The following SCMH1 variants were observed in gnomAD, a reference collection of about 807,000 sequenced individuals.
The protein encoded by SCMH1 is Scm polycomb group protein homolog 1.
A neutral mutation model predicts 70.8 loss-of-function variants in SCMH1; 37 were observed. The observed-to-expected ratio is 0.52, with a 90% confidence interval of 0.40 to 0.69. SCMH1 has a LOEUF of 0.69. SCMH1 is among the 30% of genes least tolerant of loss of function. The pLI, the probability that SCMH1 is intolerant of heterozygous loss-of-function variation, is 0.00. For synonymous variants in SCMH1, 292 were observed against 307.4 expected (o/e 0.95, Z 0.52); for missense variants, 607 against 827.3 (o/e 0.73, Z 3.27).
intron 1 of SCMH1, among the ~76,000 whole-genome samples, chr1:41,222,228 A>C (rs1001045580): frequency 6.6e-6 from 1 of 152,130 alleles, no homozygotes; most frequent in Non-Finnish European, 1.5e-5. Flanking sequence ...GAAGGAATTA[A>C]ACAAAGAAAG....
At chr1:41,087,975 T>C (rs1662252032) in intron 8 of SCMH1, among the ~76,000 whole-genome samples, 1 of 152,090 alleles carries the variant, frequency 6.6e-6, no homozygotes, top group African/African-American at 2.4e-5. Context: ...TATTTATTTA[T>C]GCAATGGTAG....
At chr1:41,213,642 C>A (rs943870774) in intron 1 of SCMH1, among the ~76,000 whole-genome samples, 1 of 152,142 alleles carries the variant, frequency 6.6e-6, no homozygotes, top group African/African-American at 2.4e-5. Flanking sequence ...AGATCATACC[C>A]GCTTTGTCCA....
intron 6 of SCMH1, among the ~76,000 whole-genome samples, chr1:41,136,624 G>C (rs540218004): frequency 6.6e-6 from 1 of 151,786 alleles, no homozygotes; most frequent in Non-Finnish European, 1.5e-5. Flanking sequence ...TGCCCACCTC[G>C]GCCTCCGAAA....
intron 1 of SCMH1, among the ~76,000 whole-genome samples, chr1:41,189,478 T>C: frequency 6.6e-6 from 1 of 152,304 alleles, no homozygotes; most frequent in Non-Finnish European, 1.5e-5. Context: ...TCTCAGCTGA[T>C]TCTCTGTCTC....
At chr1:41,130,855 G>C (rs1410580116) in intron 6 of SCMH1, among the ~76,000 whole-genome samples, 1 of 152,106 alleles carries the variant, frequency 6.6e-6, no homozygotes, top group Non-Finnish European at 1.5e-5. Flanking sequence ...CATGGATTTG[G>C]CTATTTTTTC....
chr1:41,095,953 T>G (rs749124242), intron 8 of SCMH1, among the ~76,000 whole-genome samples: 2 of 152,068 alleles, frequency 1.3e-5, no homozygotes, highest in Admixed American at 6.5e-5. Context: ...CAGAACAAGA[T>G]AGATAATATT....
intron 2 of SCMH1, among the ~76,000 whole-genome samples, chr1:41,184,480 T>C (rs1048239824): frequency 1.3e-5 from 2 of 152,174 alleles, no homozygotes; most frequent in Non-Finnish European, 2.9e-5. Flanking sequence ...CAAATATTTA[T>C]TACCACTGTT....
intron 13 of SCMH1, 68 bp from the exon 14 acceptor site, chr1:41,034,116 A>G: frequency 1.3e-6 from 2 of 1,550,042 alleles, no homozygotes; most frequent in Non-Finnish European, 1.7e-6. Context: ...CATATGAGGA[A>G]GACCTGAGAG....
intron 13 of SCMH1, 22 bp downstream of exon 13, chr1:41,037,340 G>A: frequency 1.2e-6 from 2 of 1,609,412 alleles, no homozygotes; most frequent in Non-Finnish European, 8.5e-7. Flanking sequence ...GGGAAGGAGG[G>A]CCAGGACTCT....
At chr1:41,196,396 C>T (rs1478739488) in intron 1 of SCMH1, among the ~76,000 whole-genome samples, 1 of 151,952 alleles carries the variant, frequency 6.6e-6, no homozygotes, top group South Asian at 2.1e-4. Context: ...GAACAGAGAG[C>T]TCAAAAATAG....
At chr1:41,211,783 C>A (rs562825892) in intron 1 of SCMH1, among the ~76,000 whole-genome samples, 1 of 152,092 alleles carries the variant, frequency 6.6e-6, no homozygotes, top group Non-Finnish European at 1.5e-5. Context: ...CCATTAATGA[C>A]AGACTGGATT....
At chr1:41,080,500 C>A (rs1172309793) in intron 8 of SCMH1, among the ~76,000 whole-genome samples, 1 of 152,000 alleles carries the variant, frequency 6.6e-6, no homozygotes, top group African/African-American at 2.4e-5. Context: ...TAAATTAAAT[C>A]TAGGTCTCTC....
rs767630170 is a variant in SCMH1 at position 41,113,564 on chromosome 1, A to G, written c.502-38T>C. On this transcript the variant is annotated intron_variant, in intron 7 of 14. Transcript: ENST00000337495. This position sits in a 1 kb window ranked among gnomAD's most constrained non-coding sequence, Gnocchi z 4.3. Reference sequence around the variant, plus strand: ...CAGAAACATACACACCTAGACACAAAGAGAGGCCATTATGCCAATAGACTA... The same window carrying G: ...CAGAAACATACACACCTAGACACAAGGAGAGGCCATTATGCCAATAGACTA... 16 of 1,578,396 alleles carry G rather than the reference A, an allele frequency of 1.0e-5. No individual in the cohort carries two copies. The highest frequency in any genetic ancestry group is 7.5e-5 in the Admixed American group (4 of 53,634).
In SCMH1 at chr1:41,075,152, C is replaced by T. The variant is rs553684002; in HGVS notation, c.978+67G>A. The T allele has an allele frequency of 1.0e-4, 153 of 1,505,906 alleles. 1 individual carries two copies. Among genetic ancestry groups the T allele is most frequent in the South Asian group, 6.7e-4 (59 of 88,126 alleles). 93.3% of individuals were successfully genotyped at this position (1,505,906 alleles called of 1,614,324 possible). The stretch of plus-strand genomic sequence containing the variant: ...GTGCTGGGATTACAGGCGTGAGCCA[C>T]GGCGCCTGGCCGAATGACCCCTTTA... On this transcript the variant is annotated intron_variant, in intron 9 of 14. Transcript: ENST00000337495.
chr1:41,048,034 A>T (rs1045799115), intron 11 of SCMH1, among the ~76,000 whole-genome samples: 2 of 152,042 alleles, frequency 1.3e-5, no homozygotes, highest in African/African-American at 4.8e-5. Context: ...GCTAGGGAGG[A>T]GGGGCAGGGG....
At chr1:41,044,284 C>T (rs1478397818) in intron 12 of SCMH1, among the ~76,000 whole-genome samples, 2 of 151,960 alleles carry the variant, frequency 1.3e-5, no homozygotes, top group African/African-American at 2.4e-5. Flanking sequence ...TGTAGCCAGG[C>T]AGAAGGGCAG....
intron 2 of SCMH1, among the ~76,000 whole-genome samples, chr1:41,177,353 A>C (rs567166785): frequency 2.7e-4 from 41 of 152,246 alleles, no homozygotes; most frequent in Non-Finnish European, 4.6e-4. Flanking sequence ...CCAAAGGAAC[A>C]CAGCTCCCCA....
intron 4 of SCMH1, chr1:41,159,942 T>A: frequency 6.1e-6 from 4 of 656,244 alleles, no homozygotes; most frequent in Non-Finnish European, 8.9e-6. Context: ...CCCTGTGAAG[T>A]AGGCAGAATG....
At chr1:41,041,555 C>G (rs767120677) in intron 12 of SCMH1, 1 of 152,148 alleles carries the variant, frequency 6.6e-6, no homozygotes, top group Admixed American at 6.5e-5. Context: ...TGTGGTCCCA[C>G]GAAGGTCCAC....
Sources: allele counts gnomAD v4.1 joint callset (sites outside exome capture counted in the v4.1 genomes callset), GRCh38; gene constraint gnomAD v4.1.1; non-coding constraint Gnocchi (gnomAD v3.1); transcripts MANE v1.5; gene names NCBI Gene and HGNC (gene_info 2026-07-23, HGNC 2026-07-21).